Variants in RASGRP3 observed in about 807,000 individuals in gnomAD.
RASGRP3 encodes RAS guanyl releasing protein 3.
Under a neutral mutation model 82.7 loss-of-function variants are expected in RASGRP3, and 54 were observed. That is an observed-to-expected ratio of 0.65 (90% CI 0.52 to 0.82). RASGRP3 has a LOEUF of 0.82. Among genes scored for constraint, RASGRP3 ranks in the 40% least tolerant of loss-of-function variants. RASGRP3 has a pLI of 0.00. For synonymous variants in RASGRP3, 309 were observed against 300.5 expected, an observed-to-expected ratio of 1.03 and a Z score of -0.29; for missense variants, 861 against 828.9, an observed-to-expected ratio of 1.04 and a Z score of -0.48.
chr2:33,519,456 A>C (rs1671797499), intron 4 of RASGRP3, among the ~76,000 whole-genome samples: 1 of 152,174 alleles, frequency 6.6e-6, no homozygotes, highest in African/African-American at 2.4e-5. Flanking sequence ...CTCTACTAAA[A>C]ATACAAAAAA....
chr2:33,491,081 C>T (rs962686888), intron 1 of RASGRP3, among the ~76,000 whole-genome samples: 2 of 152,000 alleles, frequency 1.3e-5, no homozygotes, highest in East Asian at 1.9e-4. Flanking sequence ...TTTGGGAGGC[C>T]GAGGCAGGCG....
At chr2:33,498,750 T>C (rs995980327) in intron 1 of RASGRP3, among the ~76,000 whole-genome samples, 4 of 151,964 alleles carry the variant, frequency 2.6e-5, no homozygotes, top group Non-Finnish European at 2.9e-5. Flanking sequence ...CTCGGTTCTA[T>C]GAGTCACCTT....
chr2:33,488,861 T>C (rs1209452330), intron 1 of RASGRP3, among the ~76,000 whole-genome samples: 1 of 152,246 alleles, frequency 6.6e-6, no homozygotes, highest in African/African-American at 2.4e-5. Context: ...GAGTATTCAT[T>C]TGGAAACTGA....
In RASGRP3 at chr2:33,519,957, G is replaced by A. The variant is rs369611073; in HGVS notation, c.179G>A (p.Arg60Gln). The change falls in exon 5 of 18, where the codon CGA (arginine) becomes CAA (glutamine). Residue 60 changes from arginine (R) to glutamine (Q), a missense_variant. By Grantham distance (43) the Arg-to-Gln change is conservative (BLOSUM62 1). Transcript: ENST00000403687. ...ELAEKLLCMY[R>Q]NATGESCNEF... ...TTTTTCTTTAACTGGTTTACGTATCGAAATGCCACTGGAGAAAGCTGCAAT... is the reference window on the plus strand; with the variant it reads ...TTTTTCTTTAACTGGTTTACGTATCAAAATGCCACTGGAGAAAGCTGCAAT... 109 of 1,609,080 alleles carry A rather than the reference G, an allele frequency of 6.8e-5. No homozygotes were observed. The highest frequency in any genetic ancestry group is 3.9e-4 in the South Asian group (35 of 89,838).
chr2:33,474,590 A>G (rs1667249471), upstream of RASGRP3, among the ~76,000 whole-genome samples: 2 of 152,328 alleles, frequency 1.3e-5, no homozygotes, highest in South Asian at 4.1e-4. Flanking sequence ...GGCATGAGCC[A>G]CAACACCCAG....
intron 2 of RASGRP3, among the ~76,000 whole-genome samples, chr2:33,460,844 A>C (rs772031007): frequency 2.0e-5 from 3 of 152,196 alleles, no homozygotes; most frequent in Admixed American, 6.5e-5. Flanking sequence ...CATAAATCAC[A>C]CACACAGGAG....
chr2:33,452,164 T>C (rs538078517), intron 2 of RASGRP3, among the ~76,000 whole-genome samples: 3 of 152,236 alleles, frequency 2.0e-5, no homozygotes, highest in Non-Finnish European at 4.4e-5. Context: ...TATTCTCTTA[T>C]AGCTCACTGA....
chr2:33,558,883 G>C lies in RASGRP3; in HGVS notation c.1917G>C (p.Lys639Asn). The change falls in exon 17 of 18, where the codon AAG (lysine) becomes AAC (asparagine). Residue 639 changes from lysine to asparagine, a missense_variant. By Grantham distance (94) the Lys-to-Asn change is moderately conservative. Transcript: ENST00000403687. ...ACACCTTCCCTAAAATGAAATCCAAGTTCCATGACAAAGCAGCAAAGGACA... is the reference window on the plus strand; with the variant it reads ...ACACCTTCCCTAAAATGAAATCCAACTTCCATGACAAAGCAGCAAAGGACA... ...GSHTFPKMKS[K>N]FHDKAAKDKG... The C allele has an allele frequency of 3.7e-6, 6 of 1,614,018 alleles. No individual in the cohort carries two copies. The highest frequency in any genetic ancestry group is 5.1e-6 in the Non-Finnish European group (6 of 1,179,892).
chr2:33,523,218 C>T (rs1304171651), intron 7 of RASGRP3, among the ~76,000 whole-genome samples: 1 of 152,092 alleles, frequency 6.6e-6, no homozygotes, highest in Non-Finnish European at 1.5e-5. Flanking sequence ...AATCCCAGCA[C>T]TTTGGGAGGC....
chr2:33,511,662 T>C (rs1670938683), intron 1 of RASGRP3, 48 bp from the exon 2 acceptor site: 1 of 152,668 alleles, frequency 6.6e-6, no homozygotes, highest in Non-Finnish European at 1.5e-5. Flanking sequence ...TCTTTGGGGT[T>C]ATCATGATCT....
intron 14 of RASGRP3, among the ~76,000 whole-genome samples, chr2:33,554,078 T>C (rs1675650556): frequency 6.6e-6 from 1 of 152,180 alleles, no homozygotes; most frequent in Non-Finnish European, 1.5e-5. Context: ...ACCAAATAGC[T>C]GTTAAGGCTC....
chr2:33,525,263 T>C (rs1306315873), intron 9 of RASGRP3, among the ~76,000 whole-genome samples: 4 of 151,960 alleles, frequency 2.6e-5, no homozygotes, highest in African/African-American at 7.3e-5. Context: ...TAACACTGTG[T>C]TGGGCACATC....
At chr2:33,484,703 A>T (rs1668217203) in intron 1 of RASGRP3, among the ~76,000 whole-genome samples, 1 of 152,220 alleles carries the variant, frequency 6.6e-6, no homozygotes, top group South Asian at 2.1e-4. Context: ...TGAGAGAGGA[A>T]ATAAAATAAC....
chr2:33,499,383 C>T (rs1309652052), intron 1 of RASGRP3, among the ~76,000 whole-genome samples: 1 of 152,008 alleles, frequency 6.6e-6, no homozygotes, highest in Non-Finnish European at 1.5e-5. Flanking sequence ...CATGGTGAAA[C>T]CCCCATATCT....
At chr2:33,484,552 G>C (rs909794337) in intron 1 of RASGRP3, among the ~76,000 whole-genome samples, 2 of 151,052 alleles carry the variant, frequency 1.3e-5, no homozygotes, top group East Asian at 3.9e-4. Context: ...TTTTTTTATG[G>C]TAAGGACAGC....
At chr2:33,552,876 A>G (rs1675504572) in intron 14 of RASGRP3, among the ~76,000 whole-genome samples, 1 of 152,188 alleles carries the variant, frequency 6.6e-6, no homozygotes, top group African/African-American at 2.4e-5. Context: ...TGTGCCTTAC[A>G]CCACAATTAC....
intron 5 of RASGRP3, 94 bp downstream of exon 5, chr2:33,520,108 CAG>C: frequency 3.8e-6 from 4 of 1,043,554 alleles, no homozygotes. Context: ...AGTTTGACAA[CAG>C]ACTCTACTCT....
intron 3 of RASGRP3, among the ~76,000 whole-genome samples, chr2:33,516,066 A>G (rs1178908550): frequency 2.0e-5 from 3 of 152,166 alleles, no homozygotes; most frequent in Non-Finnish European, 4.4e-5. Context: ...GAAGGGTAAG[A>G]CCCACCCACC....
intron 13 of RASGRP3, among the ~76,000 whole-genome samples, chr2:33,545,760 C>T (rs1435716707): frequency 1.1e-4 from 16 of 150,994 alleles, no homozygotes; most frequent in East Asian, 2.0e-4. Flanking sequence ...ATCAAAACTA[C>T]GATGAGATAT....
Sources: gnomAD v4.1 joint callset for allele counts (sites outside exome capture counted in the v4.1 genomes callset) on GRCh38, gnomAD v4.1.1 for gene constraint, MANE v1.5 for transcripts, NCBI Gene and HGNC (gene_info 2026-07-23, HGNC 2026-07-21) for gene names.